The following CCNB1 variants were observed in gnomAD, a reference collection of about 807,000 sequenced individuals.
CCNB1 encodes cyclin B1, also known as G2/mitotic-specific cyclin-B1.
Under a neutral mutation model 44.4 loss-of-function variants are expected in CCNB1, and 26 were observed. The ratio of observed to expected loss-of-function variants is 0.59; its 90% CI spans 0.43 to 0.81. CCNB1 has a LOEUF of 0.81. Ranked by LOEUF, CCNB1 falls within the 40% of genes least tolerant of loss-of-function variation. CCNB1 has a pLI of 0.00. For missense variants in CCNB1, 477 were observed against 520.9 expected (o/e 0.92, Z 0.82); for synonymous variants, 195 against 181.4 (o/e 1.08, Z -0.60).
chr5:69,174,761 G>A (rs545805369), intron 5 of CCNB1, 116 bp from the exon 6 acceptor site: 15 of 755,856 alleles, frequency 2.0e-5, no homozygotes, highest in Non-Finnish European at 2.8e-5. Flanking sequence ...CTTTCTTGGG[G>A]GATATGGTGT....
intron 1 of CCNB1, 36 bp from the exon 2 acceptor site, chr5:69,167,872 G>A: frequency 4.5e-6 from 7 of 1,562,692 alleles, no homozygotes; most frequent in Non-Finnish European, 6.1e-6. Flanking sequence ...TCGAGCCTTC[G>A]TGGATCAGCT....
In CCNB1 at chr5:69,172,791, T is replaced by G. The variant is rs866427566; in HGVS notation, c.546+1339T>G. Among the ~76,000 whole-genome samples the G allele has an allele frequency of 3.3e-3, 444 of 134,778 alleles. 1 individual carries two copies. The highest frequency in any genetic ancestry group is 0.012 in the African/African-American group (405 of 33,240). The allele number at this position is 134,778 out of a possible 152,430, so 88.4% of individuals were successfully genotyped here. ...TTTCTTTTTTTTTTTTTTTTTTTTT[T>G]GGGACAGAGTCTCGCTGTGTCACCT... On this transcript the variant is annotated intron_variant, in intron 4 of 8. Transcript: ENST00000256442.
intron 1 of CCNB1, 60 bp downstream of exon 1, chr5:69,167,343 C>A: frequency 6.3e-7 from 1 of 1,581,970 alleles, no homozygotes; most frequent in Non-Finnish European, 8.6e-7. Flanking sequence ...GCTCTCCCTG[C>A]CTCGCCTGCG....
intron 4 of CCNB1, among the ~76,000 whole-genome samples, chr5:69,172,402 G>A (rs1747483603): frequency 6.6e-6 from 1 of 151,994 alleles, no homozygotes; most frequent in Admixed American, 6.6e-5. Flanking sequence ...GATTACAGGT[G>A]CCCACCACAA....
intron 6 of CCNB1, 35 bp downstream of exon 6, chr5:69,175,148 A>G: frequency 2.8e-6 from 4 of 1,440,674 alleles, no homozygotes; most frequent in East Asian, 2.3e-5. Flanking sequence ...CCGTATGGGT[A>G]CATTAGGGGG....
At chr5:69,171,610 A>T (rs1429844761) in intron 4 of CCNB1, among the ~76,000 whole-genome samples, 158 bp downstream of exon 4, 2 of 152,214 alleles carry the variant, frequency 1.3e-5, no homozygotes, top group Admixed American at 6.5e-5. Flanking sequence ...ATAAAAAGTC[A>T]CTAAATAAAC....
intron 1 of CCNB1, 142 bp downstream of exon 1, chr5:69,167,425 G>C: frequency 1.2e-6 from 1 of 850,722 alleles, no homozygotes; most frequent in Non-Finnish European, 1.9e-6. Flanking sequence ...CACCAAGAGA[G>C]CGCCGAGGTG....
At chr5:69,169,872 G>A (rs932738765) in intron 3 of CCNB1, among the ~76,000 whole-genome samples, 1 of 152,036 alleles carries the variant, frequency 6.6e-6, no homozygotes, top group South Asian at 2.1e-4. Flanking sequence ...GGCTGGTCTC[G>A]AACTCTTGAT....
chr5:69,173,014 C>CAGGAGAT (rs1747499618), intron 4 of CCNB1, among the ~76,000 whole-genome samples: 1 of 152,036 alleles, frequency 6.6e-6, no homozygotes, highest in Non-Finnish European at 1.5e-5. Context: ...ACCTCATGAT[C>CAGGAGAT]CACCCGCCTT....
chr5:69,175,318 A>G, intron 6 of CCNB1, 79 bp from the exon 7 acceptor site: 3 of 1,293,520 alleles, frequency 2.3e-6, no homozygotes, highest in South Asian at 1.4e-5. Context: ...ATTTGTAGTT[A>G]AAGATACATA....
intron 7 of CCNB1, among the ~76,000 whole-genome samples, chr5:69,175,995 A>ATATATATATG (rs1747579678): frequency 7.4e-6 from 1 of 135,116 alleles, no homozygotes; most frequent in Non-Finnish European, 1.6e-5. Flanking sequence ...ATATATATAT[A>ATATATATATG]TATATATATA....
intron 3 of CCNB1, 39 bp from the exon 4 acceptor site, chr5:69,171,231 A>G (rs1336810360): frequency 6.6e-7 from 1 of 1,519,772 alleles, no homozygotes; most frequent in Non-Finnish European, 9.0e-7. Context: ...TATAGTGCTT[A>G]CTTCTATTTG....
At chr5:69,176,542 A>T (rs56222639) in intron 7 of CCNB1, among the ~76,000 whole-genome samples, 50,568 of 145,998 alleles carry the variant, frequency 0.35, 10,260 homozygotes, top group African/African-American at 0.57. Flanking sequence ...ATATATATAT[A>T]TTTTTTTTTA....
chr5:69,177,575 C>A lies in CCNB1; in HGVS notation c.1246C>A (p.Pro416Thr). ...TSKHAKISTL[P>T]QLNSALVQDL... The stretch of plus-strand genomic sequence containing the variant: ...GAAGCATGCTAAGATCAGCACTCTA[C>A]CACAGCTGAATTCTGCACTAGTTCA... The change falls in exon 9 of 9, where the codon CCA becomes ACA. Residue 416 changes from proline (P) to threonine (T), a missense_variant. Coordinates refer to ENST00000256442, the MANE Select transcript of CCNB1 (RefSeq NM_031966.4). 1 of 1,613,724 alleles carries A rather than the reference C, an allele frequency of 6.2e-7. No homozygotes were observed. Among genetic ancestry groups the A allele is most frequent in the South Asian group, 1.1e-5 (1 of 91,070 alleles).
intron 4 of CCNB1, among the ~76,000 whole-genome samples, chr5:69,172,715 T>C (rs1747490316): frequency 6.6e-6 from 1 of 152,044 alleles, no homozygotes; most frequent in Non-Finnish European, 1.5e-5. Context: ...TTTCTAGTGC[T>C]TTTTAAAGTT....
At chr5:69,177,412 C>A in intron 8 of CCNB1, 63 bp downstream of exon 8, 1 of 1,265,834 alleles carries the variant, frequency 7.9e-7, no homozygotes, top group Non-Finnish European at 1.2e-6. Flanking sequence ...TTAATGCCTG[C>A]AAATGCCTGG....
At chr5:69,175,599 C>CT (rs1292300698) in intron 7 of CCNB1, 62 bp downstream of exon 7, 1 of 1,509,846 alleles carries the variant, frequency 6.6e-7, no homozygotes, top group Non-Finnish European at 9.0e-7. Context: ...AAATACAGAA[C>CT]TTTTGTTATT....
Position 69,175,467 on chromosome 5 carries a change from A to G in CCNB1, c.1013A>G (p.His338Arg). ...ACTATGTTGGACTATGACATGGTGC[A>G]CTTTCCTCCTTCTCAAATTGCAGCA... Reference protein sequence around the residue: ...ELTMLDYDMVHFPPSQIAAGA... With the variant: ...ELTMLDYDMVRFPPSQIAAGA... The change falls in exon 7 of 9, where the codon CAC becomes CGC. Residue 338 changes from histidine to arginine, a missense_variant. Coordinates refer to ENST00000256442, the MANE Select transcript of CCNB1 (RefSeq NM_031966.4). 1.2e-6 allele frequency: 2 copies of G among 1,614,112 alleles called. No homozygotes were observed. Among genetic ancestry groups the G allele is most frequent in the Middle Eastern group, 1.6e-4 (1 of 6,062 alleles).
rs68140968 is a variant in CCNB1, at chr5:69,175,982, AATATATATATATATAT to A, written c.1083+463_1083+478del. On this transcript the variant is annotated intron_variant, in intron 7 of 8. Coordinates refer to ENST00000256442, the MANE Select transcript of CCNB1 (RefSeq NM_031966.4). ...CCTCATCTTTACAAAAAATATATAA[AATATATATATATATAT>A]ATATATATATATATATACAGGCACA... Among the ~76,000 whole-genome samples the A allele has an allele frequency of 2.4e-3, 278 of 116,400 alleles. 5 individuals are homozygous for A. Among genetic ancestry groups the A allele is most frequent in the South Asian group, 0.015 (51 of 3,340 alleles). 76.4% of individuals were successfully genotyped at this position (116,400 alleles called of 152,430 possible).
Sources: allele counts gnomAD v4.1 joint callset (sites outside exome capture counted in the v4.1 genomes callset), GRCh38; gene constraint gnomAD v4.1.1; transcripts MANE v1.5; gene names NCBI Gene and HGNC (gene_info 2026-07-23, HGNC 2026-07-21).